Variants in ATP8A2 observed in about 807,000 individuals in gnomAD.
ATP8A2 encodes the protein phospholipid-transporting ATPase IB.
Under a neutral mutation model 165.6 loss-of-function variants are expected in ATP8A2, and 100 were observed. The observed-to-expected ratio is 0.60, with a 90% CI of 0.51 to 0.71. The LOEUF (loss-of-function observed/expected upper bound fraction) is 0.71. Among genes scored for constraint, ATP8A2 ranks in the 30% least tolerant of loss-of-function variants. The pLI, the probability that ATP8A2 is intolerant of heterozygous loss-of-function variation, is 0.00. For synonymous variants in ATP8A2, 543 were observed against 548.8 expected (o/e 0.99, Z 0.15); for missense variants, 1,227 against 1,479.5 (o/e 0.83, Z 2.80).
chr13:25,466,439 C>T (rs2035671077), intron 1 of ATP8A2, among the ~76,000 whole-genome samples: 1 of 152,170 alleles, frequency 6.6e-6, no homozygotes, highest in Admixed American at 6.5e-5. Context: ...CCTGCCCTCC[C>T]AGCACAAAGA....
At chr13:25,386,023 C>G (rs1224382855) in intron 1 of ATP8A2, among the ~76,000 whole-genome samples, 2 of 151,586 alleles carry the variant, frequency 1.3e-5, no homozygotes, top group East Asian at 3.9e-4. Flanking sequence ...TCTAGCGATT[C>G]TCCTGCCTCA....
chr13:25,882,594 T>C (rs1953013855), intron 33 of ATP8A2, among the ~76,000 whole-genome samples: 1 of 152,194 alleles, frequency 6.6e-6, no homozygotes. Flanking sequence ...CACAGTGTGT[T>C]CATTCATTGT....
chr13:25,990,922 A>G (rs1469186894), intron 35 of ATP8A2, among the ~76,000 whole-genome samples: 1 of 152,296 alleles, frequency 6.6e-6, no homozygotes, highest in East Asian at 1.9e-4. Flanking sequence ...TGTTCCTAGC[A>G]GCCCCGTGAC....
At chr13:25,382,955 T>C (rs7999439) in intron 1 of ATP8A2, among the ~76,000 whole-genome samples, 5,529 of 148,926 alleles carry the variant, frequency 0.037, 218 homozygotes, top group African/African-American at 0.098. Context: ...CGGGGTTTCA[T>C]CATGTTAGCC....
chr13:25,837,036 G>A (rs532461666), intron 28 of ATP8A2, 127 bp from the exon 29 acceptor site: 91 of 1,161,892 alleles, frequency 7.8e-5, no homozygotes, highest in Admixed American at 5.7e-4. Context: ...GGTGTCTGGG[G>A]ATCTGTGAAT....
intron 2 of ATP8A2, among the ~76,000 whole-genome samples, chr13:25,524,889 T>A (rs2037788375): frequency 2.2e-4 from 2 of 8,936 alleles, no homozygotes; most frequent in Admixed American, 1.4e-3. Flanking sequence ...TTTGATAACT[T>A]CCTTCCTTCC....
intron 27 of ATP8A2, among the ~76,000 whole-genome samples, chr13:25,776,615 G>A (rs1486202377): frequency 6.6e-6 from 1 of 152,074 alleles, no homozygotes; most frequent in East Asian, 1.9e-4. Flanking sequence ...GCACTTAAAG[G>A]TGTTTGTCCC....
chr13:25,751,098 T>C (rs968000696), intron 25 of ATP8A2, among the ~76,000 whole-genome samples: 5 of 152,200 alleles, frequency 3.3e-5, no homozygotes, highest in African/African-American at 1.2e-4. Context: ...ATTTGGTGGG[T>C]TTCCTGATTC....
intron 35 of ATP8A2, among the ~76,000 whole-genome samples, chr13:25,979,236 T>A (rs749608389): frequency 1.4e-4 from 21 of 152,166 alleles, no homozygotes; most frequent in Admixed American, 2.0e-4. Flanking sequence ...CAAGAGATGG[T>A]CATTGTAGCA....
At chr13:25,557,737 G>A (rs2039022256) in intron 13 of ATP8A2, among the ~76,000 whole-genome samples, 1 of 152,132 alleles carries the variant, frequency 6.6e-6, no homozygotes, top group Non-Finnish European at 1.5e-5. Flanking sequence ...AGGATTGAAA[G>A]TGTTCAAGAA....
In ATP8A2 at chr13:25,602,496, C is replaced by A. The variant is rs117349056; in HGVS notation, c.2211+12797C>A. On this transcript the variant is annotated intron_variant, in intron 24 of 36. Coordinates refer to ENST00000381655, the MANE Select transcript of ATP8A2 (RefSeq NM_016529.6). The stretch of plus-strand genomic sequence containing the variant: ...TTTCCTGGCATAGATTTAAGACTCC[C>A]CTTTTTACTCCCAAAGTGCCTTGGT... 3.8e-4 allele frequency among the ~76,000 whole-genome samples: 58 copies of A among 152,294 alleles called. No homozygotes were observed. The South Asian group carries it at 8.3e-3, about 22-fold the overall frequency.
intron 25 of ATP8A2, among the ~76,000 whole-genome samples, chr13:25,764,980 G>A (rs2044461095): frequency 6.6e-6 from 1 of 152,178 alleles, no homozygotes. Context: ...AACTCTGAGA[G>A]CAGGGTTTAT....
At chr13:25,547,235 C>T (rs2038680019) in intron 10 of ATP8A2, among the ~76,000 whole-genome samples, 1 of 151,902 alleles carries the variant, frequency 6.6e-6, no homozygotes, top group South Asian at 2.1e-4. Flanking sequence ...CCCCAAGCCC[C>T]AAGCCACAGA....
At chr13:25,487,466 T>C (rs559840745) in intron 2 of ATP8A2, among the ~76,000 whole-genome samples, 5 of 152,302 alleles carry the variant, frequency 3.3e-5, no homozygotes, top group South Asian at 2.1e-4. Context: ...GTATAGTTCA[T>C]AGGAATTTTT....
intron 17 of ATP8A2, among the ~76,000 whole-genome samples, 198 bp downstream of exon 17, chr13:25,571,070 CTT>C (rs987124228): frequency 3.9e-5 from 6 of 152,192 alleles, no homozygotes; most frequent in Non-Finnish European, 8.8e-5. Flanking sequence ...TCTCATGACT[CTT>C]TTTTAACAGC....
intron 33 of ATP8A2, among the ~76,000 whole-genome samples, chr13:25,930,029 C>T (rs527696029): frequency 1.3e-5 from 2 of 152,142 alleles, no homozygotes; most frequent in East Asian, 1.9e-4. Flanking sequence ...TGCTGCCCCA[C>T]GTGCCTTTGC....
chr13:25,918,977 A>C (rs911474102), intron 33 of ATP8A2, among the ~76,000 whole-genome samples: 6 of 152,260 alleles, frequency 3.9e-5, no homozygotes, highest in South Asian at 2.1e-4. Flanking sequence ...CCTCATAGGC[A>C]GAGATACAAC....
chr13:25,588,336 A>AT (rs2039979985), intron 23 of ATP8A2, among the ~76,000 whole-genome samples: 1 of 152,028 alleles, frequency 6.6e-6, no homozygotes, highest in Non-Finnish European at 1.5e-5. Context: ...CTTGGTCTTA[A>AT]TTTTTGTCTA....
chr13:25,406,942 C>T (rs1199712506), intron 1 of ATP8A2, among the ~76,000 whole-genome samples: 2 of 152,226 alleles, frequency 1.3e-5, no homozygotes, highest in African/African-American at 4.8e-5. Flanking sequence ...AGCGTCCCCT[C>T]TCCATTGGCT....
Sources: gnomAD v4.1 joint callset for allele counts (sites outside exome capture counted in the v4.1 genomes callset) on GRCh38, gnomAD v4.1.1 for gene constraint, MANE v1.5 for transcripts, NCBI Gene and HGNC (gene_info 2026-07-23, HGNC 2026-07-21) for gene names.